The following PSMD14 variants were observed in gnomAD, a reference collection of about 807,000 sequenced individuals.
PSMD14 encodes proteasome 26S subunit, non-ATPase 14.
In PSMD14, 7 loss-of-function variants were observed where a neutral mutation model predicts 41.2. That is an observed-to-expected ratio of 0.17 (90% CI 0.10 to 0.32). PSMD14 has a LOEUF of 0.32. Among genes scored for constraint, PSMD14 ranks in the 10% least tolerant of loss-of-function variants. PSMD14 has a pLI of 1.00. For synonymous variants in PSMD14, 114 were observed against 122.3 expected, an observed-to-expected ratio of 0.93 and a Z score of 0.45; for missense variants, 139 against 375.6, an observed-to-expected ratio of 0.37 and a Z score of 5.21.
intron 1 of PSMD14, among the ~76,000 whole-genome samples, chr2:161,314,277 A>G (rs1337728247): frequency 6.6e-6 from 1 of 152,204 alleles, no homozygotes; most frequent in Non-Finnish European, 1.5e-5. Context: ...TTATTGCAAA[A>G]TTTTGTGTGA....
chr2:161,371,099 GTGT>G lies in PSMD14; in HGVS notation c.312-68_312-66del, dbSNP rs1164982755. 4.0e-5 allele frequency: 60 copies of G among 1,484,066 alleles called. No homozygotes were observed. The African/African-American group carries it at 7.1e-4, about 18-fold the overall frequency. The allele number at this position is 1,484,066 out of a possible 1,614,324, so 91.9% of individuals were successfully genotyped here. A position where few individuals can be genotyped will look rare whatever the true frequency, so the allele number is the denominator to read the frequency against. On this transcript the variant is annotated intron_variant, in intron 6 of 11. Coordinates refer to ENST00000409682, the MANE Select transcript of PSMD14 (RefSeq NM_005805.6). ...TCTTCTTAATTTATACCCCGTTAGTGTGTTGTTTCTTTTCATATCATAAATGTA... is the reference window on the plus strand; with the variant it reads ...TCTTCTTAATTTATACCCCGTTAGTGTGTTTCTTTTCATATCATAAATGTA...
Position 161,383,963 on chromosome 2 carries a change from T to G in PSMD14, c.463-1501T>G, listed in dbSNP as rs569560044. The G allele has an allele frequency of 7.9e-5, 12 of 151,790 alleles. No individual in the cohort carries two copies. The South Asian group carries it at 2.5e-3, about 31-fold the overall frequency. 9.4% of individuals were successfully genotyped at this position (151,790 alleles called of 1,614,324 possible). On this transcript the variant is annotated intron_variant, in intron 7 of 11. Transcript: ENST00000409682. ...AAAATATGTCTGATAGTACTTGTTT[T>G]TATTGCTTTTTTAAAAAAGAGAATA... is the stretch of plus-strand genomic sequence containing the variant.
chr2:161,400,000 C>T (rs1364240716), intron 10 of PSMD14, among the ~76,000 whole-genome samples: 1 of 152,180 alleles, frequency 6.6e-6, no homozygotes, highest in Non-Finnish European at 1.5e-5. Flanking sequence ...CTCTATCTTG[C>T]ATATATGTCA....
rs1332146462 is a variant in PSMD14 at position 161,391,172 on chromosome 2, A to G, written c.639A>G (p.Glu213=). The G allele has an allele frequency of 1.1e-5, 17 of 1,521,372 alleles. No individual in the cohort carries two copies. 94.2% of individuals were successfully genotyped at this position (1,521,372 alleles called of 1,614,324 possible). The part of the protein sequence containing the change: ...ITINYRKNEL[E]QKMLLNLHKK... ...TTAACTATCGGAAAAATGAACTGGAACAGAAGGTAAGTTTAAATTTTTATC... is the reference window on the plus strand; with the variant it reads ...TTAACTATCGGAAAAATGAACTGGAGCAGAAGGTAAGTTTAAATTTTTATC... The change falls in exon 9 of 12, where the codon GAA becomes GAG. Residue 213 remains glutamate (E), a synonymous_variant. Transcript: ENST00000409682.
intron 10 of PSMD14, chr2:161,408,508 G>A (rs896083119): frequency 1.9e-4 from 57 of 300,950 alleles, no homozygotes; most frequent in African/African-American, 1.2e-3. Context: ...CCACAGTGCC[G>A]TAAGTGCCAC....
rs1689079507 is a variant in PSMD14 at position 161,310,878 on chromosome 2, T to A, written c.-138+2274T>A. 2.0e-5 allele frequency among the ~76,000 whole-genome samples: 3 copies of A among 152,246 alleles called. No homozygotes were observed. In the South Asian group the frequency reaches 6.2e-4, roughly 32 times the overall value. On this transcript the variant is annotated intron_variant, in intron 1 of 11. Transcript: ENST00000409682. ...TATTTTTTATGGGTTTGTGTCAAGC[T>A]GCTTCTACCCACCTGCCCCGATAGA... is the stretch of plus-strand genomic sequence containing the variant.
intron 10 of PSMD14, among the ~76,000 whole-genome samples, chr2:161,400,948 TCTA>T (rs1015446218): frequency 7.9e-5 from 12 of 152,000 alleles, no homozygotes; most frequent in Admixed American, 7.2e-4. Flanking sequence ...CATACACTAA[TCTA>T]CTATAAAATA....
chr2:161,340,625 A>G (rs527419682), intron 3 of PSMD14, among the ~76,000 whole-genome samples: 186 of 152,088 alleles, frequency 1.2e-3, no homozygotes, highest in Non-Finnish European at 2.1e-3. Flanking sequence ...GGCAGGGCCA[A>G]AGGTGTTCTC....
Position 161,352,100 on chromosome 2 carries a change from A to T in PSMD14, c.49-15378A>T, listed in dbSNP as rs144261865. 1.6e-4 allele frequency among the ~76,000 whole-genome samples: 25 copies of T among 152,280 alleles called. No homozygotes were observed. The East Asian group carries it at 4.1e-3, about 25-fold the overall frequency. The stretch of plus-strand genomic sequence containing the variant: ...TGATGCATTTGGTGATTGGCTCAAG[A>T]CCTCTGAAATTCCTAGACAACTGGC... On this transcript the variant is annotated intron_variant, in intron 3 of 11. Coordinates refer to ENST00000409682, the MANE Select transcript of PSMD14 (RefSeq NM_005805.6).
At chr2:161,401,759 TAATA>T (rs1225624609) in intron 10 of PSMD14, among the ~76,000 whole-genome samples, 2 of 141,554 alleles carry the variant, frequency 1.4e-5, no homozygotes, top group East Asian at 2.1e-4. Context: ...TAGGGCCACT[TAATA>T]AATCATGCAT....
At position 161,391,148 on chromosome 2, in the gene PSMD14, T is replaced by C. The variant is rs1455422461; in HGVS notation, c.615T>C (p.Ile205=). Residue 205 remains isoleucine, a synonymous_variant, in exon 9 of 12, where the codon ATT becomes ATC. Coordinates refer to ENST00000409682, the MANE Select transcript of PSMD14 (RefSeq NM_005805.6). ...GLNRHYYSIT[I]NYRKNELEQK... ...ACAGACATTATTACTCCATTACTAT[T>C]AACTATCGGAAAAATGAACTGGAAC... The C allele has an allele frequency of 6.5e-7, 1 of 1,539,954 alleles. No homozygotes were observed. The highest frequency in any genetic ancestry group is 8.8e-7 in the Non-Finnish European group (1 of 1,141,302).
At chr2:161,355,081 G>A (rs1216309089) in intron 3 of PSMD14, among the ~76,000 whole-genome samples, 1 of 152,104 alleles carries the variant, frequency 6.6e-6, no homozygotes, top group Non-Finnish European at 1.5e-5. Flanking sequence ...GTATGGTATA[G>A]GAATATAGTA....
intron 5 of PSMD14, among the ~76,000 whole-genome samples, chr2:161,369,794 G>A (rs1683408285): frequency 6.6e-6 from 1 of 152,038 alleles, no homozygotes; most frequent in African/African-American, 2.4e-5. Context: ...AAGTATGCTT[G>A]CCTAAATAGG....
At chr2:161,362,315 A>G (rs550590700) in intron 3 of PSMD14, among the ~76,000 whole-genome samples, 3 of 152,368 alleles carry the variant, frequency 2.0e-5, no homozygotes, top group African/African-American at 7.2e-5. Context: ...TAAAAGATAG[A>G]GCATATTGTA....
chr2:161,356,768 T>A lies in PSMD14; in HGVS notation c.49-10710T>A, dbSNP rs1441066111. Among the ~76,000 whole-genome samples, 6 of 151,858 alleles carry A rather than the reference T, an allele frequency of 4.0e-5. No individual in the cohort carries two copies. The East Asian group carries it at 1.2e-3, about 29-fold the overall frequency. ...TATTTAAATATTCAAACTCCTTTTT[T>A]TTTTTTTTTTACAAATTTTTGAAAT... On this transcript the variant is annotated intron_variant, in intron 3 of 11. Transcript: ENST00000409682.
At chr2:161,334,710 CTT>C (rs1682841990) in intron 3 of PSMD14, among the ~76,000 whole-genome samples, 1 of 152,210 alleles carries the variant, frequency 6.6e-6, no homozygotes, top group Admixed American at 6.5e-5. Flanking sequence ...TTTTCATGCT[CTT>C]TAAGTATTTT....
At chr2:161,335,459 A>G (rs1682855002) in intron 3 of PSMD14, among the ~76,000 whole-genome samples, 1 of 152,272 alleles carries the variant, frequency 6.6e-6, no homozygotes, top group African/African-American at 2.4e-5. Flanking sequence ...ACATAGCTGC[A>G]TGTGGCCAGT....
intron 6 of PSMD14, among the ~76,000 whole-genome samples, chr2:161,370,717 T>C (rs1683420580): frequency 6.6e-6 from 1 of 152,126 alleles, no homozygotes; most frequent in South Asian, 2.1e-4. Flanking sequence ...ACAGTGCAAA[T>C]TGGTTTTTGA....
intron 1 of PSMD14, among the ~76,000 whole-genome samples, chr2:161,312,655 T>G (rs1168629867): frequency 6.6e-6 from 1 of 152,270 alleles, no homozygotes; most frequent in Admixed American, 6.5e-5. Flanking sequence ...TGTCTGATAA[T>G]ATTTTCCATA....
Sources: allele counts gnomAD v4.1 joint callset (sites outside exome capture counted in the v4.1 genomes callset), GRCh38; gene constraint gnomAD v4.1.1; transcripts MANE v1.5; gene names NCBI Gene and HGNC (gene_info 2026-07-23, HGNC 2026-07-21).